ATF7IP2: variants seen among roughly 807,000 people sequenced by gnomAD.
The protein encoded by ATF7IP2 is activating transcription factor 7 interacting protein 2.
Under a neutral mutation model 64.2 loss-of-function variants are expected in ATF7IP2, and 42 were observed. That is an observed-to-expected ratio of 0.65 (90% CI 0.51 to 0.85). The LOEUF is 0.85. Ranked by LOEUF, ATF7IP2 falls within the 40% of genes least tolerant of loss-of-function variation. The pLI is 0.00. For synonymous variants in ATF7IP2, 308 were observed against 272.8 expected, an observed-to-expected ratio of 1.13 and a Z score of -1.27; for missense variants, 933 against 784.2, an observed-to-expected ratio of 1.19 and a Z score of -2.27.
chr16:10,391,261 G>A (rs1054086005), intron 1 of ATF7IP2, among the ~76,000 whole-genome samples: 6 of 151,858 alleles, frequency 4.0e-5, no homozygotes, highest in African/African-American at 7.3e-5. Flanking sequence ...TTCAAGACCA[G>A]CCTGGGCAAT....
At chr16:10,388,342 A>T (rs1254423935) in intron 1 of ATF7IP2, among the ~76,000 whole-genome samples, 1 of 152,218 alleles carries the variant, frequency 6.6e-6, no homozygotes, top group Non-Finnish European at 1.5e-5. Context: ...AAAGGGAGAT[A>T]ATATATTGGA....
At chr16:10,391,338 T>C (rs559344891) in intron 1 of ATF7IP2, among the ~76,000 whole-genome samples, 1 of 152,052 alleles carries the variant, frequency 6.6e-6, no homozygotes, top group South Asian at 2.1e-4. Flanking sequence ...GGAGAATCAC[T>C]TGAACCCAGG....
At position 10,483,152 on chromosome 16, in the gene ATF7IP2, C is replaced by T. The variant is rs1426300795; in HGVS notation, c.*903C>T. On this transcript the variant is annotated 3_prime_UTR_variant, in exon 14 of 14. Coordinates refer to ENST00000562102, the MANE Select transcript of ATF7IP2 (RefSeq NM_001393719.1). ...TCATTTGGGGAAATAGCCTGGAGGT[C>T]TTTCCTGAATCTGTTTGTAGACATA... 1 of 152,160 alleles carries T rather than the reference C, an allele frequency of 6.6e-6. No individual in the cohort carries two copies. The highest frequency in any genetic ancestry group is 1.5e-5 in the Non-Finnish European group (1 of 68,042). The allele number at this position is 152,160 out of a possible 1,614,324, so 9.4% of individuals were successfully genotyped here.
At chr16:10,393,166 T>G (rs1158487582) in intron 1 of ATF7IP2, among the ~76,000 whole-genome samples, 1 of 151,564 alleles carries the variant, frequency 6.6e-6, no homozygotes, top group African/African-American at 2.4e-5. Context: ...AAGCATTAGC[T>G]GGGCATGGTG....
intron 12 of ATF7IP2, among the ~76,000 whole-genome samples, chr16:10,479,958 CTTTTTTT>C (rs201158427): frequency 2.2e-4 from 18 of 80,564 alleles, no homozygotes; most frequent in Middle Eastern, 9.3e-3. Flanking sequence ...ACTGGAAATA[CTTTTTTT>C]TTTTTTTTTT....
At chr16:10,461,166 A>G (rs2049361981) in intron 9 of ATF7IP2, among the ~76,000 whole-genome samples, 1 of 152,118 alleles carries the variant, frequency 6.6e-6, no homozygotes. Flanking sequence ...TCAGGTAAGG[A>G]AAAAATACAT....
chr16:10,459,586 G>A (rs1410506729), intron 9 of ATF7IP2, among the ~76,000 whole-genome samples: 2 of 152,130 alleles, frequency 1.3e-5, no homozygotes, highest in East Asian at 3.8e-4. Context: ...GGCAGAGGCT[G>A]CAGTGAGCTG....
chr16:10,397,515 G>A (rs1312122642), intron 1 of ATF7IP2, among the ~76,000 whole-genome samples: 1 of 152,194 alleles, frequency 6.6e-6, no homozygotes, highest in African/African-American at 2.4e-5. Context: ...GAATTCAAGA[G>A]TTTGAGGTTA....
At chr16:10,438,019 G>A (rs555772497) in intron 6 of ATF7IP2, 82 bp from the exon 7 acceptor site, 2 of 1,107,342 alleles carry the variant, frequency 1.8e-6, no homozygotes, top group Non-Finnish European at 1.2e-6. Flanking sequence ...ATCTGGAAAA[G>A]AGCAAGGCTT....
chr16:10,467,524 TATAA>T, intron 9 of ATF7IP2, among the ~76,000 whole-genome samples: 3 of 152,140 alleles, frequency 2.0e-5, no homozygotes, highest in Non-Finnish European at 4.4e-5. Flanking sequence ...CAAAAATATA[TATAA>T]AAGAAATTTA....
In ATF7IP2 at chr16:10,399,178, A is replaced by G. The variant is rs76174172; in HGVS notation, c.-242+13056A>G. Among the ~76,000 whole-genome samples the G allele has an allele frequency of 2.2e-4, 34 of 152,338 alleles. No individual in the cohort carries two copies. In the East Asian group the frequency reaches 6.6e-3, roughly 29 times the overall value. The stretch of plus-strand genomic sequence containing the variant: ...TGACTAGTCAGTAACAATATGCTGT[A>G]TACTTGGAAAATTGTACAACGGTAT... On this transcript the variant is annotated intron_variant, in intron 1 of 13. Transcript: ENST00000562102.
intron 8 of ATF7IP2, among the ~76,000 whole-genome samples, chr16:10,450,106 A>C (rs972789452): frequency 6.6e-6 from 1 of 152,162 alleles, no homozygotes; most frequent in Non-Finnish European, 1.5e-5. Context: ...CAGGTTGTTC[A>C]GTTTCCATGT....
intron 8 of ATF7IP2, among the ~76,000 whole-genome samples, chr16:10,452,234 G>C (rs966322816): frequency 6.6e-6 from 1 of 152,124 alleles, no homozygotes; most frequent in African/African-American, 2.4e-5. Context: ...TTTTTGGGCT[G>C]GTTTCTCCCC....
intron 3 of ATF7IP2, among the ~76,000 whole-genome samples, chr16:10,426,331 A>G (rs1480444456): frequency 6.6e-6 from 1 of 152,204 alleles, no homozygotes; most frequent in African/African-American, 2.4e-5. Flanking sequence ...AATGAATTCA[A>G]CTTCACTGAA....
chr16:10,465,501 C>T (rs1392321060), intron 9 of ATF7IP2, among the ~76,000 whole-genome samples: 2 of 151,640 alleles, frequency 1.3e-5, no homozygotes, highest in East Asian at 3.9e-4. Flanking sequence ...AATCCCAGCA[C>T]TTTGGGAGGC....
At chr16:10,428,733 T>C (rs955346493) in intron 3 of ATF7IP2, 135 bp from the exon 4 acceptor site, 1 of 152,216 alleles carries the variant, frequency 6.6e-6, no homozygotes, top group Admixed American at 6.5e-5. Flanking sequence ...TTCCCAATTA[T>C]CTGATGTTTA....
chr16:10,423,038 A>T (rs961617355), intron 3 of ATF7IP2, among the ~76,000 whole-genome samples: 1 of 152,168 alleles, frequency 6.6e-6, no homozygotes, highest in African/African-American at 2.4e-5. Flanking sequence ...AGGTCAGGAG[A>T]TCAAGACCAT....
At chr16:10,387,370 ACT>A (rs1319288655) in intron 1 of ATF7IP2, 1 of 152,120 alleles carries the variant, frequency 6.6e-6, no homozygotes, top group Non-Finnish European at 1.5e-5. Flanking sequence ...AATTTACTTC[ACT>A]CTCAGTCTTA....
chr16:10,445,332 G>A (rs1325767736), intron 8 of ATF7IP2: 1 of 152,206 alleles, frequency 6.6e-6, no homozygotes, highest in African/African-American at 2.4e-5. Flanking sequence ...AATGGGGACT[G>A]TGGTAGGGGG....
Sources: allele counts gnomAD v4.1 joint callset (sites outside exome capture counted in the v4.1 genomes callset), GRCh38; gene constraint gnomAD v4.1.1; transcripts MANE v1.5; gene names NCBI Gene and HGNC (gene_info 2026-07-23, HGNC 2026-07-21).